The following FAM149B1 variants were observed in gnomAD, a reference collection of about 807,000 sequenced individuals.
The protein encoded by FAM149B1 is primary cilium assembly protein FAM149B1.
FAM149B1 carries 56 observed loss-of-function variants against 75.3 expected under a neutral mutation model. The ratio of observed to expected loss-of-function variants is 0.74; its 90% confidence interval spans 0.60 to 0.93. The LOEUF (loss-of-function observed/expected upper bound fraction) is 0.93, where lower values mean the gene tolerates loss of function less well. Among genes scored for constraint, FAM149B1 ranks in the 40% least tolerant of loss-of-function variants. FAM149B1 has a pLI of 0.00. For synonymous variants in FAM149B1, 259 were observed against 256.1 expected, an observed-to-expected ratio of 1.01 and a Z score of -0.11; for missense variants, 639 against 708.4, an observed-to-expected ratio of 0.90 and a Z score of 1.11.
intron 5 of FAM149B1, among the ~76,000 whole-genome samples, chr10:73,194,933 C>T (rs1252057718): frequency 6.6e-6 from 1 of 152,168 alleles, no homozygotes; most frequent in Admixed American, 6.6e-5. Flanking sequence ...ATCTGCCCGC[C>T]TCGGCCTTCC....
intron 3 of FAM149B1, among the ~76,000 whole-genome samples, chr10:73,187,381 T>A (rs1589144995): frequency 8.8e-6 from 1 of 113,180 alleles, no homozygotes; most frequent in Non-Finnish European, 1.7e-5. Context: ...TTGCAAAGGA[T>A]CCAGATTAGT....
chr10:73,243,752 A>C lies in FAM149B1; in HGVS notation c.*2733A>C, dbSNP rs1243921921. ...AATAGAAGGTATGCGGTTATGTCTT[A>C]AAAGAAGAAAACAAAATACAACATT... On this transcript the variant is annotated 3_prime_UTR_variant, in exon 14 of 14. Transcript: ENST00000242505. 4.6e-6 allele frequency: 6 copies of C among 1,308,894 alleles called. No individual in the cohort carries two copies. The African/African-American group carries it at 5.9e-5, about 13-fold the overall frequency. The allele number at this position is 1,308,894 out of a possible 1,614,324, so 81.1% of individuals were successfully genotyped here.
At chr10:73,169,705 T>C (rs1843624742) in intron 1 of FAM149B1, among the ~76,000 whole-genome samples, 1 of 152,166 alleles carries the variant, frequency 6.6e-6, no homozygotes, top group South Asian at 2.1e-4. Context: ...CTCAAGCGGT[T>C]CTCCCACTTT....
At chr10:73,170,842 A>G (rs1032307854) in intron 1 of FAM149B1, among the ~76,000 whole-genome samples, 1 of 152,232 alleles carries the variant, frequency 6.6e-6, no homozygotes, top group Non-Finnish European at 1.5e-5. Context: ...ACTGAGGTTT[A>G]GCTAAAAATC....
At position 73,188,134 on chromosome 10, in the gene FAM149B1, G is replaced by A. The variant is rs190694881; in HGVS notation, c.283-4422G>A. 7.2e-5 allele frequency among the ~76,000 whole-genome samples: 11 copies of A among 152,222 alleles called. No individual in the cohort carries two copies. In the East Asian group the frequency reaches 2.1e-3, roughly 29 times the overall value. On this transcript the variant is annotated intron_variant, in intron 3 of 13. Coordinates refer to ENST00000242505, the MANE Select transcript of FAM149B1 (RefSeq NM_173348.2). ...GTGGTACTGACAAAAAGATGGACGT[G>A]TAGTCAATAGAACAGAATTGAGAGT... is the stretch of plus-strand genomic sequence containing the variant.
rs145018364 is a variant in FAM149B1, at chr10:73,241,344, AG to A, written c.*327del. 1,702 of 318,504 alleles carry A rather than the reference AG, an allele frequency of 5.3e-3. 28 individuals are homozygous for A. The highest frequency in any genetic ancestry group is 0.03 in the African/African-American group (1,371 of 45,322). 19.7% of individuals were successfully genotyped at this position (318,504 alleles called of 1,614,324 possible). On this transcript the variant is annotated 3_prime_UTR_variant, in exon 14 of 14. Transcript: ENST00000242505. ...TTAACAATGATCAGTTCAATCATAT[AG>A]GATTTGATGAGCTCACACATACACA...
chr10:73,200,249 T>G, intron 5 of FAM149B1: 1 of 258,130 alleles, frequency 3.9e-6, no homozygotes, highest in South Asian at 5.5e-5. Flanking sequence ...GAATCATCGC[T>G]TGAACCTGGG....
At chr10:73,177,144 C>T (rs1844003193) in intron 2 of FAM149B1, among the ~76,000 whole-genome samples, 1 of 151,878 alleles carries the variant, frequency 6.6e-6, no homozygotes, top group Non-Finnish European at 1.5e-5. Flanking sequence ...GCGGAGGTTG[C>T]AGTGAGCTGA....
At chr10:73,232,526 G>C (rs1211661816) in intron 9 of FAM149B1, among the ~76,000 whole-genome samples, 7 of 152,206 alleles carry the variant, frequency 4.6e-5, no homozygotes, top group African/African-American at 1.4e-4. Flanking sequence ...TTGTCTTTCA[G>C]TTGTCTTTCT....
chr10:73,209,156 A>C (rs1035143495), intron 6 of FAM149B1, among the ~76,000 whole-genome samples: 1 of 152,182 alleles, frequency 6.6e-6, no homozygotes, highest in Admixed American at 6.6e-5. Flanking sequence ...TGTTTGAAAA[A>C]TGTATATACA....
intron 7 of FAM149B1, among the ~76,000 whole-genome samples, chr10:73,219,260 C>T (rs185455135): frequency 2.5e-3 from 374 of 152,114 alleles, no homozygotes; most frequent in African/African-American, 8.5e-3. Context: ...TTAGAGGAGA[C>T]CTAATGAAAT....
intron 8 of FAM149B1, chr10:73,230,165 C>G: frequency 2.8e-6 from 1 of 351,322 alleles, no homozygotes; most frequent in African/African-American, 2.0e-5. Context: ...TGTAAGAGGG[C>G]TGTTAATTGT....
At chr10:73,229,813 C>T (rs377620621) in intron 8 of FAM149B1, among the ~76,000 whole-genome samples, 4 of 152,090 alleles carry the variant, frequency 2.6e-5, no homozygotes, top group African/African-American at 9.7e-5. Context: ...TCTGTGGCAG[C>T]GGAGACTGCC....
chr10:73,217,116 C>T (rs577693084), intron 7 of FAM149B1, among the ~76,000 whole-genome samples: 4 of 152,280 alleles, frequency 2.6e-5, no homozygotes, highest in African/African-American at 7.2e-5. Context: ...TGAGATTCAT[C>T]GCTGTCATTA....
At chr10:73,201,590 C>T (rs1034798818) in intron 5 of FAM149B1, among the ~76,000 whole-genome samples, 6 of 152,144 alleles carry the variant, frequency 3.9e-5, no homozygotes, top group East Asian at 1.9e-4. Context: ...CAGCCAATTA[C>T]ATTAAAGTAG....
At chr10:73,172,468 C>G (rs750778415) in intron 1 of FAM149B1, among the ~76,000 whole-genome samples, 1 of 152,180 alleles carries the variant, frequency 6.6e-6, no homozygotes, top group Admixed American at 6.5e-5. Context: ...TACTTAATCC[C>G]TCTGTGCCTT....
chr10:73,241,165 C>G lies in FAM149B1; in HGVS notation c.*146C>G. The stretch of plus-strand genomic sequence containing the variant: ...GATTTTGGCACAAGTGACCGAAGAA[C>G]AAAACACCATAGCAGCCAAAAATGA... On this transcript the variant is annotated 3_prime_UTR_variant, in exon 14 of 14. Transcript: ENST00000242505. 1.6e-6 allele frequency: 1 copy of G among 636,564 alleles called. No individual in the cohort carries two copies. 39.4% of individuals were successfully genotyped at this position (636,564 alleles called of 1,614,324 possible). A position where few individuals can be genotyped will look rare whatever the true frequency, so the allele number is the denominator to read the frequency against.
At chr10:73,230,670 T>G in intron 9 of FAM149B1, 145 bp downstream of exon 9, 1 of 583,462 alleles carries the variant, frequency 1.7e-6, no homozygotes, top group Admixed American at 2.8e-5. Flanking sequence ...GGACATGGTC[T>G]CCACCATCAG....
chr10:73,200,749 C>G, intron 5 of FAM149B1: 3 of 451,084 alleles, frequency 6.7e-6, no homozygotes, highest in Non-Finnish European at 1.3e-5. Flanking sequence ...TTGAAGGAAT[C>G]GAACAGTTTT....
Sources: gnomAD v4.1 joint callset for allele counts (sites outside exome capture counted in the v4.1 genomes callset) on GRCh38, gnomAD v4.1.1 for gene constraint, MANE v1.5 for transcripts, NCBI Gene and HGNC (gene_info 2026-07-23, HGNC 2026-07-21) for gene names.